The following AKAP7 variants were observed in gnomAD, a reference collection of about 807,000 sequenced individuals.
AKAP7 encodes A kinase (PRKA) anchor protein 7.
A neutral mutation model predicts 39.5 loss-of-function variants in AKAP7; 39 were observed. The observed-to-expected ratio is 0.99, with a 90% CI of 0.76 to 1.29. AKAP7 has a LOEUF of 1.29. AKAP7 is among the 50% of genes most tolerant of loss of function. The pLI, the probability that AKAP7 is intolerant of heterozygous loss-of-function variation, is 0.00. For missense variants in AKAP7, 414 were observed against 407.7 expected (o/e 1.02, Z -0.13); for synonymous variants, 140 against 139.1 (o/e 1.01, Z -0.05).
At chr6:131,217,925 G>A (rs1174440231) in intron 6 of AKAP7, among the ~76,000 whole-genome samples, 17 of 152,202 alleles carry the variant, frequency 1.1e-4, no homozygotes, top group African/African-American at 4.1e-4. Context: ...ACACACACAA[G>A]CATTTAGAAG....
At chr6:131,196,755 T>TA (rs1806971379) in intron 5 of AKAP7, among the ~76,000 whole-genome samples, 1 of 152,136 alleles carries the variant, frequency 6.6e-6, no homozygotes, top group Non-Finnish European at 1.5e-5. Flanking sequence ...CCTTGATCTT[T>TA]AAAAAATATG....
At chr6:131,149,769 A>G (rs1291670959) in intron 2 of AKAP7, among the ~76,000 whole-genome samples, 1 of 152,350 alleles carries the variant, frequency 6.6e-6, no homozygotes, top group Middle Eastern at 3.4e-3. Context: ...TTTGCTGTTT[A>G]CAAGGGAAAT....
chr6:131,184,340 G>A, intron 5 of AKAP7: 1 of 642,016 alleles, frequency 1.6e-6, no homozygotes, highest in Non-Finnish European at 3.0e-6. Flanking sequence ...AGGAGTTCTT[G>A]TTCTGGTAGA....
At chr6:131,270,359 C>T (rs532004693) in intron 7 of AKAP7, among the ~76,000 whole-genome samples, 12 of 152,228 alleles carry the variant, frequency 7.9e-5, no homozygotes, top group South Asian at 4.1e-4. Context: ...TTTCACACAA[C>T]GTATTTTAGT....
chr6:131,202,135 A>G (rs981590318), intron 6 of AKAP7, among the ~76,000 whole-genome samples: 1 of 151,110 alleles, frequency 6.6e-6, no homozygotes, highest in Non-Finnish European at 1.5e-5. Context: ...GATGTGGAGA[A>G]ATAGGAACAC....
In AKAP7 at chr6:131,241,627, G is replaced by GTGTGTGTGTATA; in HGVS notation, c.850+21820_850+21821insGTGTGTGTATAT. ...TGTGTGTGTGTGTGTGTGTGTGTGTGTATATATATATGACAGTTATAGGAT... is the reference window on the plus strand; with the variant it reads ...TGTGTGTGTGTGTGTGTGTGTGTGTGTGTGTGTGTATATATATATATATGACAGTTATAGGAT... On this transcript the variant is annotated intron_variant, in intron 7 of 7. Coordinates refer to ENST00000431975, the MANE Select transcript of AKAP7 (RefSeq NM_016377.4). Among the ~76,000 whole-genome samples, 14 of 86,668 alleles carry GTGTGTGTGTATA rather than the reference G, an allele frequency of 1.6e-4. 1 individual carries two copies. Among genetic ancestry groups the GTGTGTGTGTATA allele is most frequent in the Non-Finnish European group, 2.3e-4 (10 of 43,576 alleles). The allele number at this position is 86,668 out of a possible 152,430, so 56.9% of individuals were successfully genotyped here.
intron 5 of AKAP7, among the ~76,000 whole-genome samples, chr6:131,175,627 A>T (rs1476754061): frequency 6.6e-6 from 1 of 152,112 alleles, no homozygotes; most frequent in Non-Finnish European, 1.5e-5. Context: ...AGGATATGCT[A>T]CTCCATAATA....
At chr6:131,231,322 G>T (rs1810605202) in intron 7 of AKAP7, among the ~76,000 whole-genome samples, 1 of 151,900 alleles carries the variant, frequency 6.6e-6, no homozygotes, top group African/African-American at 2.4e-5. Flanking sequence ...TGTAATACAG[G>T]AATGTCTCTT....
rs1315474460 is a variant in AKAP7 at position 131,219,802 on chromosome 6, G to A, written c.844G>A (p.Val282Met). ...TTATTATCACTGTGAATCTTCCATTGTGATTGGTGAGTGTCATTTAAAAAT... is the reference window on the plus strand; with the variant it reads ...TTATTATCACTGTGAATCTTCCATTATGATTGGTGAGTGTCATTTAAAAAT... ...NGYYHCESSI[V>M]IGEKNGGEPD... is the part of the protein sequence containing the mutation. Residue 282 changes from valine (V) to methionine (M), a missense_variant, in exon 7 of 8, where the codon GTG (valine) becomes ATG (methionine). Coordinates refer to ENST00000431975, the MANE Select transcript of AKAP7 (RefSeq NM_016377.4). 6.5e-7 allele frequency: 1 copy of A among 1,538,598 alleles called. No homozygotes were observed. The highest frequency in any genetic ancestry group is 2.1e-5 in the Admixed American group (1 of 46,740).
intron 6 of AKAP7, among the ~76,000 whole-genome samples, chr6:131,211,772 C>CA (rs202168206): frequency 0.36 from 29,612 of 83,068 alleles, 5,177 homozygotes; most frequent in Middle Eastern, 0.43. Context: ...GACTCCGTCT[C>CA]AAAAAAAAAA....
chr6:131,244,322 C>T (rs1307514665), intron 7 of AKAP7, among the ~76,000 whole-genome samples: 4 of 152,138 alleles, frequency 2.6e-5, no homozygotes, highest in Non-Finnish European at 2.9e-5. Flanking sequence ...TGGTGGCACC[C>T]GTTGACACAA....
intron 7 of AKAP7, among the ~76,000 whole-genome samples, chr6:131,221,867 C>T (rs1028083586): frequency 2.6e-5 from 4 of 152,130 alleles, no homozygotes; most frequent in African/African-American, 9.7e-5. Context: ...CTCCCAAGAA[C>T]TCTGATGGAA....
intron 7 of AKAP7, among the ~76,000 whole-genome samples, chr6:131,247,280 TATATATATATATA>T (rs1180888334): frequency 3.8e-5 from 1 of 26,444 alleles, no homozygotes; most frequent in Admixed American, 3.4e-4. Flanking sequence ...TATATATATA[TATATATATATATA>T]TATATATATA....
intron 5 of AKAP7, among the ~76,000 whole-genome samples, chr6:131,194,705 A>T (rs574547050): frequency 1.3e-5 from 2 of 152,108 alleles, no homozygotes; most frequent in African/African-American, 2.4e-5. Flanking sequence ...TCCTTTGTAT[A>T]TCTGGGTACT....
intron 3 of AKAP7, 53 bp from the exon 4 acceptor site, chr6:131,165,028 T>A: frequency 2.8e-6 from 4 of 1,411,956 alleles, no homozygotes; most frequent in Non-Finnish European, 3.8e-6. Flanking sequence ...CATAAAGAAA[T>A]TTTGCTTACC....
At chr6:131,161,491 A>G (rs1274899372) in intron 3 of AKAP7, among the ~76,000 whole-genome samples, 1 of 151,422 alleles carries the variant, frequency 6.6e-6, no homozygotes, top group Non-Finnish European at 1.5e-5. Flanking sequence ...CTAAATATAC[A>G]AAAACTAGCT....
chr6:131,220,855 A>G (rs1809638069), intron 7 of AKAP7, among the ~76,000 whole-genome samples: 1 of 152,192 alleles, frequency 6.6e-6, no homozygotes, highest in Non-Finnish European at 1.5e-5. Context: ...GCACCACCAT[A>G]TGAATTGTAT....
At chr6:131,158,138 T>C (rs903200139) in intron 2 of AKAP7, among the ~76,000 whole-genome samples, 1 of 152,236 alleles carries the variant, frequency 6.6e-6, no homozygotes, top group Non-Finnish European at 1.5e-5. Context: ...AAGAATTATT[T>C]TTGCTCTGTG....
At chr6:131,189,895 T>C (rs1325696752) in intron 5 of AKAP7, among the ~76,000 whole-genome samples, 1 of 152,228 alleles carries the variant, frequency 6.6e-6, no homozygotes, top group Non-Finnish European at 1.5e-5. Flanking sequence ...TTGTGATTTT[T>C]GGTTTAGTGC....
Sources: gnomAD v4.1 joint callset for allele counts (sites outside exome capture counted in the v4.1 genomes callset) on GRCh38, gnomAD v4.1.1 for gene constraint, MANE v1.5 for transcripts, NCBI Gene and HGNC (gene_info 2026-07-23, HGNC 2026-07-21) for gene names.